Variants in MSRA observed in about 807,000 individuals in gnomAD.
MSRA encodes methionine sulfoxide reductase A, also known as mitochondrial peptide methionine sulfoxide reductase.
Under a neutral mutation model 31.3 loss-of-function variants are expected in MSRA, and 54 were observed. That is an observed-to-expected ratio of 1.73 (90% CI 1.39 to 2.17). The LOEUF (loss-of-function observed/expected upper bound fraction) is 2.17, where lower values mean the gene tolerates loss of function less well. Ranked by LOEUF, MSRA falls within the 30% of genes most tolerant of loss-of-function variation. The pLI is 0.00. For synonymous variants in MSRA, 169 were observed against 116.5 expected, an observed-to-expected ratio of 1.45 and a Z score of -2.90; for missense variants, 507 against 300.9, an observed-to-expected ratio of 1.69 and a Z score of -5.07.
chr8:10,272,271 G>T (rs1159200432), intron 3 of MSRA, among the ~76,000 whole-genome samples: 3 of 152,154 alleles, frequency 2.0e-5, no homozygotes, highest in South Asian at 2.1e-4. Context: ...AATTGGCTCA[G>T]GATTGGCTCA....
intron 1 of MSRA, among the ~76,000 whole-genome samples, chr8:10,152,451 G>A (rs188335382): frequency 2.0e-5 from 3 of 152,254 alleles, no homozygotes; most frequent in Non-Finnish European, 4.4e-5. Context: ...TGGGCAGGAA[G>A]ATGACTCACT....
chr8:10,158,764 G>T (rs1345782500), intron 1 of MSRA, among the ~76,000 whole-genome samples: 1 of 152,036 alleles, frequency 6.6e-6, no homozygotes, highest in African/African-American at 2.4e-5. Context: ...GGAATTGCTG[G>T]GTCATATGGT....
At chr8:10,242,483 T>C (rs1196801878) in intron 2 of MSRA, among the ~76,000 whole-genome samples, 2 of 152,170 alleles carry the variant, frequency 1.3e-5, no homozygotes, top group Non-Finnish European at 2.9e-5. Flanking sequence ...GGCAAACTTC[T>C]GATTCTTGAC....
intron 2 of MSRA, among the ~76,000 whole-genome samples, chr8:10,221,540 A>G (rs971227791): frequency 1.3e-5 from 2 of 152,162 alleles, no homozygotes; most frequent in Non-Finnish European, 2.9e-5. Flanking sequence ...AGTTAATGGC[A>G]GAACTAGTTA....
chr8:10,297,276 T>G (rs1019225010), intron 3 of MSRA, among the ~76,000 whole-genome samples: 1 of 152,146 alleles, frequency 6.6e-6, no homozygotes, highest in Non-Finnish European at 1.5e-5. Context: ...TCTGGGGCTG[T>G]GGGGTAAGGC....
intron 5 of MSRA, chr8:10,336,937 C>G (rs1803085011): frequency 6.6e-6 from 1 of 152,212 alleles, no homozygotes; most frequent in African/African-American, 2.4e-5. Flanking sequence ...GAATTGTTTC[C>G]TTTCTCTGGT....
In MSRA at chr8:10,116,042, C is replaced by T. The variant is rs57986214; in HGVS notation, c.142+61384C>T. Among the ~76,000 whole-genome samples, 3 of 152,162 alleles carry T rather than the reference C, an allele frequency of 2.0e-5. No individual in the cohort carries two copies. In the East Asian group the frequency reaches 5.8e-4, roughly 29 times the overall value. On this transcript the variant is annotated intron_variant, in intron 1 of 5. Transcript: ENST00000317173. ...TGAGATCGTGGCTGGAACCACTGCT[C>T]TGAGTTGGAGCTGCTGAAATGGTAG...
intron 2 of MSRA, among the ~76,000 whole-genome samples, chr8:10,208,211 AT>A (rs796930545): frequency 0.011 from 1,652 of 146,166 alleles, 24 homozygotes; most frequent in African/African-American, 0.035. Context: ...GCTAGCACGG[AT>A]TTTTTTTTTT....
At chr8:10,070,010 C>T (rs1018406544) in intron 1 of MSRA, among the ~76,000 whole-genome samples, 1 of 152,162 alleles carries the variant, frequency 6.6e-6, no homozygotes, top group Non-Finnish European at 1.5e-5. Flanking sequence ...CTTACGGGTA[C>T]CTCCCTGTTA....
At chr8:10,427,888 G>A (rs1267232774) in intron 5 of MSRA, among the ~76,000 whole-genome samples, 1 of 152,222 alleles carries the variant, frequency 6.6e-6, no homozygotes, top group African/African-American at 2.4e-5. Flanking sequence ...GATGGCAGGG[G>A]TGTGGGGGTA....
chr8:10,353,557 G>T, intron 5 of MSRA: 2 of 455,336 alleles, frequency 4.4e-6, no homozygotes, highest in South Asian at 3.1e-5. Flanking sequence ...TTTCTGTAAC[G>T]AGATGCAATT....
chr8:10,357,063 C>A (rs1180673210), intron 5 of MSRA, among the ~76,000 whole-genome samples: 2 of 152,116 alleles, frequency 1.3e-5, no homozygotes, highest in Non-Finnish European at 2.9e-5. Flanking sequence ...CAGCTGCATC[C>A]AGAGGTGTGG....
chr8:10,206,000 A>G (rs1808931209), intron 1 of MSRA, among the ~76,000 whole-genome samples: 1 of 152,238 alleles, frequency 6.6e-6, no homozygotes, highest in Non-Finnish European at 1.5e-5. Flanking sequence ...TTTTGTTATT[A>G]CAGGTAATAC....
At chr8:10,194,018 T>C (rs1239027979) in intron 1 of MSRA, among the ~76,000 whole-genome samples, 1 of 151,812 alleles carries the variant, frequency 6.6e-6, no homozygotes, top group Non-Finnish European at 1.5e-5. Flanking sequence ...AAGATACTCT[T>C]CTGTTATGGA....
chr8:10,165,391 C>T (rs1052864769), intron 1 of MSRA, among the ~76,000 whole-genome samples: 17 of 152,034 alleles, frequency 1.1e-4, no homozygotes, highest in East Asian at 5.8e-4. Flanking sequence ...ACTGAGTTTC[C>T]GATTAAAAAC....
intron 5 of MSRA, among the ~76,000 whole-genome samples, chr8:10,322,321 A>C (rs916333156): frequency 7.2e-6 from 1 of 138,920 alleles, no homozygotes; most frequent in Non-Finnish European, 1.6e-5. Context: ...TTGGGCAGCT[A>C]TTATAGGATT....
Position 10,220,104 on chromosome 8 carries a change from T to C in MSRA, c.211+12203T>C, listed in dbSNP as rs942997870. On this transcript the variant is annotated intron_variant, in intron 2 of 5. Coordinates refer to ENST00000317173, the MANE Select transcript of MSRA (RefSeq NM_012331.5). ...CCTGTGAACTTTCCCTACATTCTTA[T>C]GTACAGAGTCTTAAAAGCCCACGAT... 2.6e-5 allele frequency among the ~76,000 whole-genome samples: 4 copies of C among 152,330 alleles called. No individual in the cohort carries two copies. In the South Asian group the frequency reaches 6.2e-4, roughly 24 times the overall value.
intron 1 of MSRA, among the ~76,000 whole-genome samples, chr8:10,146,766 G>A (rs755834883): frequency 6.6e-6 from 1 of 152,170 alleles, no homozygotes; most frequent in Non-Finnish European, 1.5e-5. Flanking sequence ...CGTGGCGCTG[G>A]TCTGAGCCTC....
chr8:10,119,098 A>G (rs1239972837), intron 1 of MSRA, among the ~76,000 whole-genome samples: 2 of 152,266 alleles, frequency 1.3e-5, no homozygotes, highest in East Asian at 3.9e-4. Context: ...AGCCTTCTGT[A>G]TATCTGCATA....
Sources: gnomAD v4.1 joint callset for allele counts (sites outside exome capture counted in the v4.1 genomes callset) on GRCh38, gnomAD v4.1.1 for gene constraint, MANE v1.5 for transcripts, NCBI Gene and HGNC (gene_info 2026-07-23, HGNC 2026-07-21) for gene names.